DOCK3: variants seen among roughly 807,000 people sequenced by gnomAD.
DOCK3 encodes dedicator of cytokinesis 3.
In DOCK3, 60 loss-of-function variants were observed where a neutral mutation model predicts 265.6. That is an observed-to-expected ratio of 0.23 (90% CI 0.18 to 0.28). DOCK3 has a LOEUF of 0.28. DOCK3 is among the 10% of genes least tolerant of loss of function. DOCK3 has a pLI of 1.00. For synonymous variants in DOCK3, 881 were observed against 938.0 expected (o/e 0.94, Z 1.11); for missense variants, 1,981 against 2,594.3 (o/e 0.76, Z 5.14).
intron 5 of DOCK3, among the ~76,000 whole-genome samples, chr3:51,051,823 G>A (rs1275927134): frequency 6.6e-6 from 1 of 152,098 alleles, no homozygotes; most frequent in Admixed American, 6.6e-5. Context: ...ATGTCAGGAG[G>A]CAAAATGGGA....
chr3:50,782,576 AGTGTGT>A (rs145578993), intron 2 of DOCK3, among the ~76,000 whole-genome samples: 145 of 146,818 alleles, frequency 9.9e-4, no homozygotes, highest in Non-Finnish European at 9.2e-4. Context: ...TTATTTTTTG[AGTGTGT>A]GTGTGTGTGT....
At chr3:51,260,996 GA>G (rs902993795) in intron 23 of DOCK3, among the ~76,000 whole-genome samples, 8 of 149,488 alleles carry the variant, frequency 5.4e-5, no homozygotes, top group Non-Finnish European at 8.9e-5. Flanking sequence ...AAAAGAAAAA[GA>G]AAAAAAAAGA....
intron 3 of DOCK3, among the ~76,000 whole-genome samples, chr3:50,883,469 G>A (rs1035935520): frequency 6.6e-6 from 1 of 151,696 alleles, no homozygotes; most frequent in African/African-American, 2.4e-5. Context: ...ATGGTTTTTT[G>A]TTTTATCATT....
At chr3:51,229,696 G>A (rs143281826) in intron 19 of DOCK3, 87 bp downstream of exon 19, 62 of 945,764 alleles carry the variant, frequency 6.6e-5, no homozygotes, top group East Asian at 5.7e-4. Context: ...GCCAATAACC[G>A]TCTGAGACTG....
At chr3:51,342,344 G>A (rs190346702) in intron 38 of DOCK3, among the ~76,000 whole-genome samples, 5 of 152,348 alleles carry the variant, frequency 3.3e-5, no homozygotes, top group Admixed American at 2.0e-4. Context: ...AAACTCTTAT[G>A]TAACCTAGCC....
chr3:51,159,393 A>G (rs76603603), intron 11 of DOCK3, 89 bp downstream of exon 11: 1 of 1,214,376 alleles, frequency 8.2e-7, no homozygotes, highest in South Asian at 1.3e-5. Flanking sequence ...TTCTCCCTAG[A>G]TCTTACCTGT....
In DOCK3 at chr3:50,979,845, G is replaced by A. The variant is rs545469023; in HGVS notation, c.315+45768G>A. 3.3e-5 allele frequency among the ~76,000 whole-genome samples: 5 copies of A among 152,160 alleles called. No individual in the cohort carries two copies. In the South Asian group the frequency reaches 1.0e-3, roughly 31 times the overall value. ...CTGAATTCATTTATTAGTTCTAAGAGTGTTTTGGTGGTGTCTTTAGCTTTT... is the reference window on the plus strand; with the variant it reads ...CTGAATTCATTTATTAGTTCTAAGAATGTTTTGGTGGTGTCTTTAGCTTTT... On this transcript the variant is annotated intron_variant, in intron 5 of 52. Coordinates refer to ENST00000266037, the MANE Select transcript of DOCK3 (RefSeq NM_004947.5).
At chr3:51,213,411 T>G (rs113486651) in intron 13 of DOCK3, among the ~76,000 whole-genome samples, 2,034 of 152,196 alleles carry the variant, frequency 0.013, 52 homozygotes, top group African/African-American at 0.045. Context: ...GGGGGAAATT[T>G]CAGGAGATTC....
chr3:50,750,810 C>A (rs982025849), intron 1 of DOCK3, among the ~76,000 whole-genome samples: 3 of 152,158 alleles, frequency 2.0e-5, no homozygotes, highest in Admixed American at 6.5e-5. Context: ...ACTCCACCAT[C>A]CAGCTGGTGT....
chr3:51,034,316 T>C (rs2080169699), intron 5 of DOCK3, among the ~76,000 whole-genome samples: 2 of 152,084 alleles, frequency 1.3e-5, no homozygotes, highest in Admixed American at 1.3e-4. Context: ...TTTTCCCTTT[T>C]GCATCTTCTT....
At chr3:50,866,655 C>G (rs577303581) in intron 3 of DOCK3, among the ~76,000 whole-genome samples, 28 of 152,108 alleles carry the variant, frequency 1.8e-4, no homozygotes, top group Non-Finnish European at 3.2e-4. Context: ...TATGGATACT[C>G]AGGTTCCCCA....
intron 3 of DOCK3, among the ~76,000 whole-genome samples, chr3:50,842,304 A>G (rs561657956): frequency 1.6e-4 from 24 of 152,330 alleles, no homozygotes; most frequent in African/African-American, 5.5e-4. Flanking sequence ...AATTAATATT[A>G]TCAGCTTTTC....
At chr3:51,345,282 G>T (rs2085486849) in intron 38 of DOCK3, among the ~76,000 whole-genome samples, 1 of 152,180 alleles carries the variant, frequency 6.6e-6, no homozygotes, top group Non-Finnish European at 1.5e-5. Context: ...TGAGGCACAG[G>T]CATTATATTA....
intron 5 of DOCK3, among the ~76,000 whole-genome samples, chr3:50,991,284 C>T (rs2078093861): frequency 6.6e-6 from 1 of 152,172 alleles, no homozygotes; most frequent in African/African-American, 2.4e-5. Context: ...AAATCCTCCA[C>T]TTAAAAGGCA....
intron 23 of DOCK3, among the ~76,000 whole-genome samples, chr3:51,261,135 A>G (rs1166388512): frequency 6.6e-6 from 1 of 152,144 alleles, no homozygotes; most frequent in Non-Finnish European, 1.5e-5. Context: ...AAGATGGCCA[A>G]ATAGGAACAG....
At chr3:50,898,705 C>A (rs2049023596) in intron 4 of DOCK3, 1 of 152,188 alleles carries the variant, frequency 6.6e-6, no homozygotes, top group Admixed American at 6.6e-5. Flanking sequence ...TTTCAAAGAA[C>A]ATCTTTATTT....
intron 10 of DOCK3, among the ~76,000 whole-genome samples, chr3:51,147,417 G>A (rs1229569144): frequency 2.0e-5 from 3 of 152,082 alleles, no homozygotes; most frequent in African/African-American, 7.2e-5. Context: ...AGGTATACAT[G>A]TGCCATGTTG....
intron 4 of DOCK3, among the ~76,000 whole-genome samples, chr3:50,912,237 A>G (rs1028482415): frequency 6.6e-6 from 1 of 152,092 alleles, no homozygotes; most frequent in Non-Finnish European, 1.5e-5. Flanking sequence ...ATCCAGAAGT[A>G]TTCTCTGTAT....
chr3:51,196,216 A>G (rs1468950801), intron 12 of DOCK3, among the ~76,000 whole-genome samples: 1 of 151,914 alleles, frequency 6.6e-6, no homozygotes, highest in Non-Finnish European at 1.5e-5. Flanking sequence ...GATTACAGGC[A>G]TGAGCCACTG....
Sources: allele counts gnomAD v4.1 joint callset (sites outside exome capture counted in the v4.1 genomes callset), GRCh38; gene constraint gnomAD v4.1.1; transcripts MANE v1.5; gene names NCBI Gene and HGNC (gene_info 2026-07-23, HGNC 2026-07-21).